PTP4A1: variants seen among roughly 807,000 people sequenced by gnomAD.
PTP4A1 encodes the protein protein tyrosine phosphatase 4A1.
PTP4A1 carries 9 observed loss-of-function variants against 20.5 expected under a neutral mutation model. The observed-to-expected ratio is 0.44, with a 90% CI of 0.26 to 0.77. PTP4A1 has a LOEUF of 0.77. PTP4A1 is among the 30% of genes least tolerant of loss of function. The pLI, the probability that PTP4A1 is intolerant of heterozygous loss-of-function variation, is 0.19. For missense variants in PTP4A1, 137 were observed against 218.8 expected (o/e 0.63, Z 2.36); for synonymous variants, 78 against 67.4 (o/e 1.16, Z -0.77).
At chr6:63,546,517 C>A (rs923024178) in intron 2 of PTP4A1, among the ~76,000 whole-genome samples, 2 of 152,126 alleles carry the variant, frequency 1.3e-5, no homozygotes, top group African/African-American at 4.8e-5. Flanking sequence ...ACCAGCCTGA[C>A]CAATATGGTG....
intron 2 of PTP4A1, among the ~76,000 whole-genome samples, chr6:63,539,505 T>C (rs554271229): frequency 6.6e-6 from 1 of 152,240 alleles, no homozygotes; most frequent in African/African-American, 2.4e-5. Context: ...TGGCCAGGTG[T>C]GTTGGCTCAC....
chr6:63,572,756 A>T (rs750397156), intron 1 of PTP4A1, 37 bp downstream of exon 1: 1 of 398,338 alleles, frequency 2.5e-6, no homozygotes, highest in Non-Finnish European at 4.4e-6. Flanking sequence ...TCGGGCTGGG[A>T]ATCCACGACC....
intron 2 of PTP4A1, among the ~76,000 whole-genome samples, chr6:63,538,615 A>T (rs948577291): frequency 6.6e-6 from 1 of 152,220 alleles, no homozygotes; most frequent in Non-Finnish European, 1.5e-5. Flanking sequence ...GCATGCAAAA[A>T]GAAAAAAAGA....
intron 3 of PTP4A1, among the ~76,000 whole-genome samples, chr6:63,551,790 G>C (rs1453257878): frequency 1.3e-5 from 2 of 151,068 alleles, no homozygotes; most frequent in African/African-American, 4.9e-5. Context: ...GAGAACATGT[G>C]GTGTTTGGTT....
At chr6:63,556,317 C>T (rs1407025127) in intron 3 of PTP4A1, among the ~76,000 whole-genome samples, 1 of 151,548 alleles carries the variant, frequency 6.6e-6, no homozygotes, top group Non-Finnish European at 1.5e-5. Flanking sequence ...TAACATCAAA[C>T]TTGGTTTTTT....
chr6:63,525,986 A>G (rs1775148463), intron 1 of PTP4A1, among the ~76,000 whole-genome samples: 1 of 152,306 alleles, frequency 6.6e-6, no homozygotes, highest in South Asian at 2.1e-4. Context: ...ACCAGTATAC[A>G]AAAGAGTGGT....
chr6:63,578,648 ATAT>A (rs942566301), intron 3 of PTP4A1, 119 bp downstream of exon 3: 238 of 1,358,050 alleles, frequency 1.8e-4, no homozygotes, highest in Non-Finnish European at 1.8e-4. Context: ...CTAAAAACAA[ATAT>A]TATATTATTG....
At chr6:63,522,228 C>T (rs546414544) in intron 1 of PTP4A1, among the ~76,000 whole-genome samples, 18 of 152,110 alleles carry the variant, frequency 1.2e-4, no homozygotes, top group Non-Finnish European at 2.2e-4. Flanking sequence ...TTAAGGGCTA[C>T]AATATATGGC....
At chr6:63,557,612 A>C (rs1224409096) in intron 3 of PTP4A1, among the ~76,000 whole-genome samples, 3 of 152,142 alleles carry the variant, frequency 2.0e-5, no homozygotes, top group Non-Finnish European at 1.5e-5. Flanking sequence ...GGGAAGTAGC[A>C]AGAGAAAATT....
chr6:63,566,622 A>G (rs964707786), intron 3 of PTP4A1, among the ~76,000 whole-genome samples: 49 of 152,216 alleles, frequency 3.2e-4, no homozygotes, highest in Admixed American at 1.3e-4. Context: ...GCCTTCAGCA[A>G]GTCATAATCT....
intron 2 of PTP4A1, among the ~76,000 whole-genome samples, chr6:63,529,032 T>C (rs984837316): frequency 6.6e-6 from 1 of 150,948 alleles, no homozygotes; most frequent in South Asian, 2.1e-4. Flanking sequence ...GAGGTTACAG[T>C]GAGCCGAGAT....
At chr6:63,517,946 A>G (rs957778723), upstream of PTP4A1, among the ~76,000 whole-genome samples, 5 of 152,126 alleles carry the variant, frequency 3.3e-5, no homozygotes, top group African/African-American at 1.2e-4. Context: ...TGAGGTCAGG[A>G]GTTCAAGACG....
intron 3 of PTP4A1, among the ~76,000 whole-genome samples, chr6:63,551,713 T>C (rs1438727961): frequency 1.7e-5 from 2 of 119,394 alleles, no homozygotes; most frequent in Non-Finnish European, 3.3e-5. Flanking sequence ...CAGGCCCCGG[T>C]GTGTGATGTT....
At chr6:63,522,423 C>T (rs1774968421) in intron 1 of PTP4A1, among the ~76,000 whole-genome samples, 1 of 152,178 alleles carries the variant, frequency 6.6e-6, no homozygotes, top group Admixed American at 6.6e-5. Context: ...ATAATTTCAT[C>T]AGGGGACCCT....
In PTP4A1 at chr6:63,531,754, G is replaced by A. The variant is rs549563563; in HGVS notation, c.-640+3670G>A. ...GACCCACCTGTCTTGGCCTCCCAAA[G>A]TGCTGTGATTACAGGCATGAACCAC... On this transcript the variant is annotated intron_variant, in intron 2 of 3. Transcript: ENST00000639568. Among the ~76,000 whole-genome samples the A allele has an allele frequency of 3.3e-5, 5 of 151,986 alleles. No individual in the cohort carries two copies. The South Asian group carries it at 1.0e-3, about 32-fold the overall frequency.
intron 3 of PTP4A1, among the ~76,000 whole-genome samples, chr6:63,559,429 CA>C (rs779257202): frequency 7.3e-5 from 11 of 151,684 alleles, no homozygotes; most frequent in East Asian, 5.8e-4. Flanking sequence ...TTAAACGCAG[CA>C]AAAAAAATCA....
chr6:63,547,485 C>T (rs892094355), intron 2 of PTP4A1, among the ~76,000 whole-genome samples: 4 of 149,500 alleles, frequency 2.7e-5, no homozygotes, highest in East Asian at 2.0e-4. Context: ...CCACCTCGCC[C>T]GGCCAGGGGG....
chr6:63,576,293 G>A (rs571355946), intron 1 of PTP4A1, 143 bp from the exon 2 acceptor site: 143 of 379,660 alleles, frequency 3.8e-4, no homozygotes, highest in African/African-American at 2.6e-3. Flanking sequence ...CTTGAGTTTT[G>A]CAATTCAAGT....
At chr6:63,526,115 A>G (rs762845766) in intron 1 of PTP4A1, among the ~76,000 whole-genome samples, 2 of 151,706 alleles carry the variant, frequency 1.3e-5, no homozygotes, top group Non-Finnish European at 2.9e-5. Context: ...ACCTGAAGTC[A>G]GGAGTTCAAG....
Sources: gnomAD v4.1 joint callset for allele counts (sites outside exome capture counted in the v4.1 genomes callset) on GRCh38, gnomAD v4.1.1 for gene constraint, MANE v1.5 for transcripts, NCBI Gene and HGNC (gene_info 2026-07-23, HGNC 2026-07-21) for gene names.